Variants in SP100 observed in about 807,000 individuals in gnomAD.
The protein encoded by SP100 is SP100 nuclear body protein.
Under a neutral mutation model 130.0 loss-of-function variants are expected in SP100, and 84 were observed. The observed-to-expected ratio is 0.65, with a 90% CI of 0.54 to 0.77. The LOEUF (loss-of-function observed/expected upper bound fraction) is 0.77. SP100 is among the 30% of genes least tolerant of loss of function. The probability of loss-of-function intolerance (pLI) is 0.00; values close to 1 mark genes in which losing one functional copy is unlikely to be tolerated. For synonymous variants in SP100, 331 were observed against 351.7 expected, an observed-to-expected ratio of 0.94 and a Z score of 0.66; for missense variants, 978 against 1,052.2, an observed-to-expected ratio of 0.93 and a Z score of 0.97.
chr2:230,528,790 C>T (rs996739853), intron 24 of SP100, among the ~76,000 whole-genome samples: 2 of 152,230 alleles, frequency 1.3e-5, no homozygotes, highest in East Asian at 3.8e-4. Flanking sequence ...TCAGAGAATA[C>T]TATAAATGCC....
At chr2:230,435,885 A>AAATGTGGT (rs1172190888) in intron 2 of SP100, among the ~76,000 whole-genome samples, 1 of 152,238 alleles carries the variant, frequency 6.6e-6, no homozygotes. Flanking sequence ...TAGAGAAAGA[A>AAATGTGGT]AATGTGGTAC....
rs900029892 is a variant in SP100 at position 230,544,426 on chromosome 2, C to T, written c.*1480C>T. 6.6e-6 allele frequency among the ~76,000 whole-genome samples: 1 copy of T among 152,094 alleles called. No individual in the cohort carries two copies. The highest frequency in any genetic ancestry group is 2.4e-5 in the African/African-American group (1 of 41,420). ...TCTAATAGCCAGCTTCTATAGGGAA[C>T]TTAAACAAATTTACAAGACAAAAAG... On this transcript the variant is annotated 3_prime_UTR_variant, in exon 29 of 29. Coordinates refer to ENST00000340126, the MANE Select transcript of SP100 (RefSeq NM_001080391.2).
chr2:230,479,360 C>A (rs1270000075), intron 17 of SP100, among the ~76,000 whole-genome samples: 1 of 152,176 alleles, frequency 6.6e-6, no homozygotes, highest in African/African-American at 2.4e-5. Flanking sequence ...TTATTCCCAG[C>A]ATCATTAAAA....
At chr2:230,469,708 A>G in intron 14 of SP100, 1 of 1,205,546 alleles carries the variant, frequency 8.3e-7, no homozygotes, top group Non-Finnish European at 1.1e-6. Flanking sequence ...TGACAAGCAT[A>G]TATTGCTTTC....
At chr2:230,438,648 T>TATAC (rs1246055755) in intron 2 of SP100, among the ~76,000 whole-genome samples, 1,752 of 127,456 alleles carry the variant, frequency 0.014, 31 homozygotes, top group African/African-American at 0.041. Flanking sequence ...TGTATATATA[T>TATAC]ACACACACAC....
intron 17 of SP100, among the ~76,000 whole-genome samples, chr2:230,479,343 C>T (rs1370171540): frequency 6.6e-6 from 1 of 152,180 alleles, no homozygotes; most frequent in East Asian, 1.9e-4. Context: ...TGTTTATAGG[C>T]TAATTATTAT....
chr2:230,536,103 G>C (rs183340150), intron 24 of SP100, among the ~76,000 whole-genome samples: 590 of 152,150 alleles, frequency 3.9e-3, no homozygotes, highest in Middle Eastern at 0.014. Context: ...AAGTATATGG[G>C]ACTGAAGCTT....
chr2:230,457,761 T>C (rs1367327344), intron 8 of SP100, among the ~76,000 whole-genome samples: 1 of 152,168 alleles, frequency 6.6e-6, no homozygotes, highest in Non-Finnish European at 1.5e-5. Flanking sequence ...CATGCATAGG[T>C]CGTTGTTCAC....
At chr2:230,490,803 G>A (rs1000126826) in intron 17 of SP100, among the ~76,000 whole-genome samples, 1 of 152,086 alleles carries the variant, frequency 6.6e-6, no homozygotes, top group Admixed American at 6.6e-5. Flanking sequence ...TAAGAATGTT[G>A]AATATTGGCA....
At chr2:230,511,077 GA>G in intron 23 of SP100, 47 bp from the exon 24 acceptor site, 1 of 1,328,982 alleles carries the variant, frequency 7.5e-7, no homozygotes, top group Non-Finnish European at 1.1e-6. Context: ...TGGGGTTAAT[GA>G]AAAATCACAC....
intron 17 of SP100, among the ~76,000 whole-genome samples, chr2:230,475,954 T>C (rs1402631227): frequency 2.0e-5 from 3 of 152,228 alleles, no homozygotes; most frequent in East Asian, 1.9e-4. Context: ...ATAGTATAGT[T>C]AGAAGTTGGG....
At chr2:230,432,885 G>A (rs1232243549) in intron 2 of SP100, among the ~76,000 whole-genome samples, 2 of 152,002 alleles carry the variant, frequency 1.3e-5, no homozygotes, top group African/African-American at 2.4e-5. Flanking sequence ...TTATACTTTT[G>A]TGGTAGCTAA....
chr2:230,500,793 G>A (rs906173687), intron 19 of SP100, among the ~76,000 whole-genome samples: 9 of 152,108 alleles, frequency 5.9e-5, no homozygotes, highest in African/African-American at 2.2e-4. Context: ...ATTTTACTGT[G>A]GCAACCGCAT....
At chr2:230,438,648 T>TACACACAC (rs796889943) in intron 2 of SP100, among the ~76,000 whole-genome samples, 79 of 127,466 alleles carry the variant, frequency 6.2e-4, no homozygotes, top group African/African-American at 1.7e-3. Context: ...TGTATATATA[T>TACACACAC]ACACACACAC....
intron 2 of SP100, among the ~76,000 whole-genome samples, chr2:230,431,001 G>A (rs1208197985): frequency 1.3e-5 from 2 of 152,196 alleles, no homozygotes; most frequent in South Asian, 2.1e-4. Context: ...AAACCTAAAC[G>A]TCTTAGGTGG....
rs376287053 is a variant in SP100 at position 230,508,311 on chromosome 2, C to CA, written c.2052+280_2052+281insA. ...TTTAGTAAAGGAGCTAAATGCCATACTTTTTTTTTTTTTTTTTTTTAAGAG... is the reference window on the plus strand; with the variant it reads ...TTTAGTAAAGGAGCTAAATGCCATACATTTTTTTTTTTTTTTTTTTTAAGAG... On this transcript the variant is annotated intron_variant, in intron 23 of 28. Coordinates refer to ENST00000340126, the MANE Select transcript of SP100 (RefSeq NM_001080391.2). The CA allele has an allele frequency of 1.3e-3, 199 of 148,190 alleles. 4 individuals carry two copies. The highest frequency in any genetic ancestry group is 4.1e-3 in the East Asian group (22 of 5,412). The allele number at this position is 148,190 out of a possible 1,614,324, so 9.2% of individuals were successfully genotyped here. A position where few individuals can be genotyped will look rare whatever the true frequency, so the allele number is the denominator to read the frequency against.
chr2:230,467,717 C>T (rs1288413921), intron 13 of SP100, among the ~76,000 whole-genome samples: 2 of 152,196 alleles, frequency 1.3e-5, no homozygotes, highest in African/African-American at 4.8e-5. Context: ...CACCAGGCCC[C>T]TCCCACAACA....
intron 18 of SP100, among the ~76,000 whole-genome samples, chr2:230,496,502 G>A (rs548676797): frequency 6.6e-6 from 1 of 152,288 alleles, no homozygotes; most frequent in Admixed American, 6.5e-5. Flanking sequence ...ACAGGAGCAG[G>A]AATGGTCCTC....
At chr2:230,526,123 A>G (rs1161271824) in intron 24 of SP100, among the ~76,000 whole-genome samples, 1 of 152,202 alleles carries the variant, frequency 6.6e-6, no homozygotes, top group Non-Finnish European at 1.5e-5. Flanking sequence ...CCTGACCCCC[A>G]GGTAGCCTGA....
Sources: allele counts gnomAD v4.1 joint callset (sites outside exome capture counted in the v4.1 genomes callset), GRCh38; gene constraint gnomAD v4.1.1; transcripts MANE v1.5; gene names NCBI Gene and HGNC (gene_info 2026-07-23, HGNC 2026-07-21).